The following PRKACB variants were observed in gnomAD, a reference collection of about 807,000 sequenced individuals.
The protein encoded by PRKACB is protein kinase cAMP-activated catalytic subunit beta.
In PRKACB, 16 loss-of-function variants were observed where a neutral mutation model predicts 51.4. That is an observed-to-expected ratio of 0.31 (90% CI 0.21 to 0.47). The LOEUF (loss-of-function observed/expected upper bound fraction) is 0.47, where lower values mean the gene tolerates loss of function less well. PRKACB is among the 20% of genes least tolerant of loss of function. The pLI is 1.00. For missense variants in PRKACB, 309 were observed against 464.5 expected (o/e 0.67, Z 3.08); for synonymous variants, 147 against 154.4 (o/e 0.95, Z 0.35).
intron 9 of PRKACB, 110 bp from the exon 10 acceptor site, chr1:84,235,070 C>CT: frequency 8.4e-7 from 1 of 1,196,202 alleles, no homozygotes; most frequent in Non-Finnish European, 1.2e-6. Context: ...CTAATGGCAT[C>CT]TAAGGATTTC....
intron 1 of PRKACB, among the ~76,000 whole-genome samples, chr1:84,092,401 A>T (rs948274126): frequency 6.6e-6 from 1 of 152,080 alleles, no homozygotes; most frequent in Admixed American, 6.5e-5. Context: ...AGCAAAACAT[A>T]TTTTTTCTAT....
chr1:84,078,529 C>T (rs898998632), intron 1 of PRKACB, among the ~76,000 whole-genome samples: 9 of 152,220 alleles, frequency 5.9e-5, no homozygotes, highest in Admixed American at 4.6e-4. Flanking sequence ...TGCCTTTCTC[C>T]TCCATTCCGA....
intron 1 of PRKACB, among the ~76,000 whole-genome samples, chr1:84,090,038 A>T (rs1377733092): frequency 6.6e-6 from 1 of 152,198 alleles, no homozygotes; most frequent in Admixed American, 6.5e-5. Flanking sequence ...AGAGCTAAGC[A>T]CTGCTAGAGA....
intron 5 of PRKACB, among the ~76,000 whole-genome samples, chr1:84,196,368 GCTAA>G (rs768554481): frequency 1.4e-4 from 22 of 152,060 alleles, no homozygotes; most frequent in African/African-American, 4.8e-4. Context: ...TTCACAATGA[GCTAA>G]CTATTTTAGG....
rs577595104 is a variant in PRKACB at position 84,232,292 on chromosome 1, G to C, written c.1072-2888G>C. ...TGCACTGTGGTCTGAGAGATAGTTT[G>C]TTATAATTTCTGTTCTTTTACATTT... On this transcript the variant is annotated intron_variant, in intron 9 of 9. Transcript: ENST00000370685. 6.5e-3 allele frequency among the ~76,000 whole-genome samples: 981 copies of C among 151,986 alleles called. 13 individuals are homozygous for C. The highest frequency in any genetic ancestry group is 6.2e-3 in the Non-Finnish European group (423 of 67,944).
At chr1:84,183,956 C>A (rs1664351146) in intron 3 of PRKACB, 81 bp from the exon 4 acceptor site, 9 of 1,356,898 alleles carry the variant, frequency 6.6e-6, no homozygotes, top group Non-Finnish European at 7.7e-6. Flanking sequence ...AAGTTTATTA[C>A]TATATGGAAA....
chr1:84,132,598 A>T (rs946264644), intron 1 of PRKACB, among the ~76,000 whole-genome samples: 13 of 152,358 alleles, frequency 8.5e-5, no homozygotes, highest in Admixed American at 2.0e-4. Flanking sequence ...ATATAAAAAA[A>T]CCATGATTAA....
At chr1:84,141,771 C>G (rs955770804), upstream of PRKACB, among the ~76,000 whole-genome samples, 1 of 151,850 alleles carries the variant, frequency 6.6e-6, no homozygotes. Context: ...TGAAATGTTA[C>G]GATTAGTTTG....
chr1:84,156,054 T>C (rs1419751146), intron 1 of PRKACB, among the ~76,000 whole-genome samples: 3 of 152,090 alleles, frequency 2.0e-5, no homozygotes, highest in Non-Finnish European at 2.9e-5. Flanking sequence ...AGTGGTGTGA[T>C]CATGGCTCAC....
chr1:84,186,088 G>C (rs1665005709), intron 5 of PRKACB, among the ~76,000 whole-genome samples: 1 of 152,150 alleles, frequency 6.6e-6, no homozygotes, highest in African/African-American at 2.4e-5. Flanking sequence ...TGATTGGTGA[G>C]TGATGGTGGT....
intron 1 of PRKACB, among the ~76,000 whole-genome samples, chr1:84,131,357 A>AT (rs397778017): frequency 6.6e-6 from 1 of 151,522 alleles, no homozygotes; most frequent in African/African-American, 2.4e-5. Flanking sequence ...AAAAAAAAAA[A>AT]TTAATTCTAA....
intron 1 of PRKACB, among the ~76,000 whole-genome samples, chr1:84,151,964 G>A (rs1160839967): frequency 6.6e-6 from 1 of 152,180 alleles, no homozygotes; most frequent in Non-Finnish European, 1.5e-5. Context: ...CTCCTTTTCA[G>A]AAGGTTTTCA....
In PRKACB at chr1:84,185,197, T is replaced by G. The variant is rs759810786; in HGVS notation, c.560+15T>G. The G allele has an allele frequency of 4.7e-6, 7 of 1,486,738 alleles. No individual in the cohort carries two copies. Among genetic ancestry groups the G allele is most frequent in the Middle Eastern group, 1.7e-4 (1 of 5,774 alleles). 92.1% of individuals were successfully genotyped at this position (1,486,738 alleles called of 1,614,324 possible). ...GGAAGGTTCAGGTAACTAATGGTTT[T>G]GCTTTCTTCAAATCTTTATATGCTT... On this transcript the variant is annotated intron_variant, in intron 5 of 9. Transcript: ENST00000370685.
chr1:84,144,697 A>T, intron 1 of PRKACB, 149 bp downstream of exon 1: 1 of 841,398 alleles, frequency 1.2e-6, no homozygotes, highest in Non-Finnish European at 1.7e-6. Flanking sequence ...AGAATTCCAT[A>T]AAAACTTGAT....
At chr1:84,103,997 C>T (rs903943667) in intron 1 of PRKACB, among the ~76,000 whole-genome samples, 3 of 152,146 alleles carry the variant, frequency 2.0e-5, no homozygotes, top group African/African-American at 7.2e-5. Context: ...CTCTCTTGTA[C>T]TTGAAAATGT....
chr1:84,146,024 C>T (rs1458268246), intron 1 of PRKACB, among the ~76,000 whole-genome samples: 1 of 151,838 alleles, frequency 6.6e-6, no homozygotes, highest in Admixed American at 6.6e-5. Flanking sequence ...TATGTTTGAA[C>T]TAGACTTTCA....
chr1:84,232,900 T>G (rs1675971163), intron 9 of PRKACB, among the ~76,000 whole-genome samples: 1 of 152,176 alleles, frequency 6.6e-6, no homozygotes, highest in South Asian at 2.1e-4. Context: ...ATTGGAGAAT[T>G]TAGTCCATTT....
chr1:84,146,838 G>A (rs1478021030), intron 1 of PRKACB, among the ~76,000 whole-genome samples: 1 of 151,970 alleles, frequency 6.6e-6, no homozygotes, highest in Non-Finnish European at 1.5e-5. Flanking sequence ...AGGCCACATA[G>A]TGGTCTCAGG....
intron 1 of PRKACB, among the ~76,000 whole-genome samples, chr1:84,109,558 C>A (rs568966058): frequency 7.2e-5 from 11 of 151,882 alleles, no homozygotes; most frequent in Middle Eastern, 3.4e-3. Context: ...ACAGTATTTA[C>A]ACTAATAGGT....
Sources: allele counts gnomAD v4.1 joint callset (sites outside exome capture counted in the v4.1 genomes callset), GRCh38; gene constraint gnomAD v4.1.1; transcripts MANE v1.5; gene names NCBI Gene and HGNC (gene_info 2026-07-23, HGNC 2026-07-21).